PTPRD: variants seen among roughly 807,000 people sequenced by gnomAD.
The protein encoded by PTPRD is protein tyrosine phosphatase receptor type D.
Under a neutral mutation model 214.5 loss-of-function variants are expected in PTPRD, and 34 were observed. The observed-to-expected ratio is 0.16, with a 90% CI of 0.12 to 0.21. The LOEUF is 0.21. Among genes scored for constraint, PTPRD ranks in the 10% least tolerant of loss-of-function variants. The pLI is 1.00. For synonymous variants in PTPRD, 1,128 were observed against 845.7 expected (o/e 1.33, Z -5.79); for missense variants, 2,545 against 2,398.7 (o/e 1.06, Z -1.27).
Position 10,587,627 on chromosome 9 carries a change from T to C in PTPRD, c.-600+24771A>G, listed in dbSNP as rs571061234. 3.1e-4 allele frequency among the ~76,000 whole-genome samples: 47 copies of C among 152,180 alleles called. No individual in the cohort carries two copies. The South Asian group carries it at 8.1e-3, about 26-fold the overall frequency. ...CTCTTTCAGAAAAATTATCTGAGAT[T>C]TGGAGAAGCCAAATGGCCAAGAGCA... On this transcript the variant is annotated intron_variant, in intron 2 of 45. Coordinates refer to ENST00000381196, the MANE Select transcript of PTPRD (RefSeq NM_002839.4).
chr9:9,841,857 G>A (rs1298537964), intron 5 of PTPRD, among the ~76,000 whole-genome samples: 2 of 152,032 alleles, frequency 1.3e-5, no homozygotes, highest in Non-Finnish European at 2.9e-5. Context: ...CACTGCATTT[G>A]TAAAATCTTA....
chr9:10,278,754 G>T (rs1257832230), intron 3 of PTPRD, among the ~76,000 whole-genome samples: 1 of 150,806 alleles, frequency 6.6e-6, no homozygotes, highest in Middle Eastern at 3.2e-3. Context: ...TTCATGTGTG[G>T]TAAAAGGTTT....
chr9:8,350,275 T>C (rs1256046299), intron 39 of PTPRD, among the ~76,000 whole-genome samples: 1 of 152,168 alleles, frequency 6.6e-6, no homozygotes, highest in Admixed American at 6.6e-5. Context: ...ATGCTGACCC[T>C]TTCCTGGTAC....
chr9:9,263,217 C>G (rs1284707588), intron 9 of PTPRD, among the ~76,000 whole-genome samples: 3 of 151,538 alleles, frequency 2.0e-5, no homozygotes, highest in Non-Finnish European at 4.4e-5. Flanking sequence ...GGATTTGACT[C>G]TTTTTATTAT....
At chr9:10,498,219 T>G (rs138571663) in intron 2 of PTPRD, among the ~76,000 whole-genome samples, 2 of 152,064 alleles carry the variant, frequency 1.3e-5, no homozygotes, top group African/African-American at 4.8e-5. Context: ...ATGCTTAGCT[T>G]TTTAAAGAAA....
In PTPRD at chr9:10,523,601, G is replaced by GTATA. The variant is rs201455705; in HGVS notation, c.-600+88793_-600+88796dup. Among the ~76,000 whole-genome samples the GTATA allele has an allele frequency of 8.3e-3, 536 of 64,342 alleles. 53 individuals are homozygous for GTATA. Among genetic ancestry groups the GTATA allele is most frequent in the South Asian group, 0.016 (21 of 1,326 alleles). The allele number at this position is 64,342 out of a possible 152,430, so 42.2% of individuals were successfully genotyped here. A position where few individuals can be genotyped will look rare whatever the true frequency, so the allele number is the denominator to read the frequency against. On this transcript the variant is annotated intron_variant, in intron 2 of 45. Transcript: ENST00000381196. Reference sequence around the variant, plus strand: ...CAATATTTTTCAAGTATATTTATCTGTATATATATATATATATATATAGAC... The same window carrying GTATA: ...CAATATTTTTCAAGTATATTTATCTGTATATATATATATATATATATATATAGAC...
chr9:10,106,757 A>G (rs929641010), intron 3 of PTPRD, among the ~76,000 whole-genome samples: 6 of 151,984 alleles, frequency 3.9e-5, no homozygotes, highest in Non-Finnish European at 8.8e-5. Context: ...TAGACATAGA[A>G]AAAAAGCAGG....
At chr9:9,501,527 T>C (rs890138572) in intron 8 of PTPRD, among the ~76,000 whole-genome samples, 2 of 151,760 alleles carry the variant, frequency 1.3e-5, no homozygotes, top group Non-Finnish European at 2.9e-5. Flanking sequence ...AATCAGTAAA[T>C]ATATAAATGA....
chr9:9,328,107 G>A (rs1354547911), intron 9 of PTPRD, among the ~76,000 whole-genome samples: 2 of 152,062 alleles, frequency 1.3e-5, no homozygotes, highest in Non-Finnish European at 2.9e-5. Context: ...TCTAAACTCT[G>A]TGAATTTAGA....
At chr9:8,452,250 G>A (rs1002397863) in intron 33 of PTPRD, among the ~76,000 whole-genome samples, 3 of 152,100 alleles carry the variant, frequency 2.0e-5, no homozygotes, top group Admixed American at 1.3e-4. Context: ...GTTTTCTTTC[G>A]ATGATCACAA....
chr9:8,438,468 AC>A (rs1016323802), intron 34 of PTPRD, among the ~76,000 whole-genome samples: 52 of 152,202 alleles, frequency 3.4e-4, no homozygotes, highest in Non-Finnish European at 1.6e-4. Flanking sequence ...CCTTTCTGAA[AC>A]TTTTCTGTAT....
rs116019560 is a variant in PTPRD at position 9,119,393 on chromosome 9, G to T, written c.-143+63911C>A. ...GTGAGGAGATAACTCTTTGGGTTGT[G>T]ATATATTTACATGAAACTCTATTTT... On this transcript the variant is annotated intron_variant, in intron 10 of 45. Coordinates refer to ENST00000381196, the MANE Select transcript of PTPRD (RefSeq NM_002839.4). Among the ~76,000 whole-genome samples, 1,268 of 152,232 alleles carry T rather than the reference G, an allele frequency of 8.3e-3. 19 individuals are homozygous for T. Among genetic ancestry groups the T allele is most frequent in the African/African-American group, 0.029 (1,202 of 41,524 alleles).
intron 2 of PTPRD, among the ~76,000 whole-genome samples, chr9:10,492,048 GT>G (rs963339071): frequency 4.6e-5 from 7 of 152,034 alleles, no homozygotes; most frequent in African/African-American, 4.8e-5. Flanking sequence ...TGAACTCATT[GT>G]TTTTTATGGC....
chr9:10,499,113 G>A (rs1238276873), intron 2 of PTPRD, among the ~76,000 whole-genome samples: 12 of 151,810 alleles, frequency 7.9e-5, no homozygotes, highest in Admixed American at 7.2e-4. Context: ...CTCAGTTAAT[G>A]TTACATTTGT....
At chr9:9,837,105 T>C (rs531412521) in intron 5 of PTPRD, among the ~76,000 whole-genome samples, 1 of 152,266 alleles carries the variant, frequency 6.6e-6, no homozygotes, top group Non-Finnish European at 1.5e-5. Context: ...TTAGAGTAAA[T>C]ATTCACTTCA....
intron 8 of PTPRD, among the ~76,000 whole-genome samples, chr9:9,411,108 T>C (rs2075281417): frequency 6.6e-6 from 1 of 152,038 alleles, no homozygotes; most frequent in African/African-American, 2.4e-5. Flanking sequence ...GAAAAAGAAG[T>C]GAACCACAAG....
intron 21 of PTPRD, among the ~76,000 whole-genome samples, chr9:8,517,216 A>C (rs959766851): frequency 2.0e-5 from 3 of 152,124 alleles, no homozygotes; most frequent in African/African-American, 7.2e-5. Flanking sequence ...AAATAAAACC[A>C]CTGGGAGGGC....
chr9:10,153,592 G>A (rs2099075365), intron 3 of PTPRD, among the ~76,000 whole-genome samples: 1 of 151,660 alleles, frequency 6.6e-6, no homozygotes, highest in Admixed American at 6.6e-5. Context: ...TTGTTATATA[G>A]GTGAACTACT....
At chr9:8,696,281 T>C (rs1452483680) in intron 12 of PTPRD, among the ~76,000 whole-genome samples, 3 of 152,258 alleles carry the variant, frequency 2.0e-5, no homozygotes, top group Non-Finnish European at 4.4e-5. Context: ...TTCCCTTATC[T>C]TGCAGATGAA....
Sources: gnomAD v4.1 joint callset for allele counts (sites outside exome capture counted in the v4.1 genomes callset) on GRCh38, gnomAD v4.1.1 for gene constraint, MANE v1.5 for transcripts, NCBI Gene and HGNC (gene_info 2026-07-23, HGNC 2026-07-21) for gene names.